FHDC1: variants seen among roughly 807,000 people sequenced by gnomAD.
The protein encoded by FHDC1 is FH2 domain-containing protein 1.
In FHDC1, 25 loss-of-function variants were observed where a neutral mutation model predicts 52.6. That is an observed-to-expected ratio of 0.48 (90% CI 0.35 to 0.66). The LOEUF is 0.66. FHDC1 is among the 30% of genes least tolerant of loss of function. The probability of loss-of-function intolerance (pLI) is 0.01; values close to 1 mark genes in which losing one functional copy is unlikely to be tolerated. For synonymous variants in FHDC1, 616 were observed against 581.5 expected, an observed-to-expected ratio of 1.06 and a Z score of -0.85; for missense variants, 1,459 against 1,452.8, an observed-to-expected ratio of 1.00 and a Z score of -0.07.
intron 1 of FHDC1, among the ~76,000 whole-genome samples, chr4:152,936,618 C>T (rs1739387770): frequency 1.3e-5 from 2 of 152,242 alleles, no homozygotes; most frequent in African/African-American, 2.4e-5. Context: ...CCCTCCACAT[C>T]CACCCCGGTG....
chr4:152,930,993 ACACACTCTCTCTCT>A, the FHDC1 span, among the ~76,000 whole-genome samples: 4 of 143,230 alleles, frequency 2.8e-5, no homozygotes, highest in Non-Finnish European at 6.0e-5. Flanking sequence ...ACACACACAC[ACACACTCTCTCTCT>A]CTCTCTCTCT....
chr4:152,920,162 G>A, the FHDC1 span, among the ~76,000 whole-genome samples: 1 of 151,986 alleles, frequency 6.6e-6, no homozygotes, highest in Non-Finnish European at 1.5e-5. Context: ...GGTCAGGCTA[G>A]TCTTGAACTC....
At chr4:152,927,610 T>C in the FHDC1 span, 1 of 1,606,868 alleles carries the variant, frequency 6.2e-7, no homozygotes, top group African/African-American at 1.3e-5. Context: ...GATCTCTATA[T>C]GAAAGGCTAC....
At position 152,936,383 on chromosome 4, in the gene FHDC1, C is replaced by T. The variant is rs1184940641; in HGVS notation, c.-157C>T. ...GCGGGAGGCTGCAGCGGTCTGCGCG[C>T]CGGGAGCGGGGGCGCGCTGGCCGCG... is the stretch of plus-strand genomic sequence containing the variant. On this transcript the variant is annotated 5_prime_UTR_variant, in exon 1 of 12. Transcript: ENST00000511601. 1 of 152,146 alleles carries T rather than the reference C, an allele frequency of 6.6e-6. No individual in the cohort carries two copies. Among genetic ancestry groups the T allele is most frequent in the Non-Finnish European group, 1.5e-5 (1 of 68,202 alleles). The allele number at this position is 152,146 out of a possible 1,614,324, so 9.4% of individuals were successfully genotyped here. A position where few individuals can be genotyped will look rare whatever the true frequency, so the allele number is the denominator to read the frequency against.
chr4:152,947,016 C>T (rs1011483795), intron 2 of FHDC1, among the ~76,000 whole-genome samples: 3 of 151,904 alleles, frequency 2.0e-5, no homozygotes, highest in Non-Finnish European at 4.4e-5. Flanking sequence ...GTCAGGAGTT[C>T]GAGACCAGCC....
chr4:152,934,860 TGAG>T (rs772375301), upstream of FHDC1, among the ~76,000 whole-genome samples: 4 of 152,070 alleles, frequency 2.6e-5, no homozygotes, highest in Non-Finnish European at 5.9e-5. Context: ...GTCACGGGGT[TGAG>T]GAGGGAGGAG....
At chr4:152,921,579 T>C in the FHDC1 span, among the ~76,000 whole-genome samples, 3 of 142,832 alleles carry the variant, frequency 2.1e-5, no homozygotes, top group South Asian at 7.4e-4. Context: ...CCTTCCTTCC[T>C]TCCTTCCTCC....
At chr4:152,945,472 T>G (rs1274431408) in intron 2 of FHDC1, among the ~76,000 whole-genome samples, 1 of 152,210 alleles carries the variant, frequency 6.6e-6, no homozygotes, top group Non-Finnish European at 1.5e-5. Flanking sequence ...TATTTATTTT[T>G]TTGAGACAGA....
chr4:152,964,593 G>T (rs1740403182), intron 8 of FHDC1, among the ~76,000 whole-genome samples: 1 of 152,194 alleles, frequency 6.6e-6, no homozygotes, highest in South Asian at 2.1e-4. Flanking sequence ...ATGCTCACAG[G>T]TATGGGTGGT....
chr4:152,937,590 G>C (rs919109055), intron 1 of FHDC1, among the ~76,000 whole-genome samples: 1 of 151,688 alleles, frequency 6.6e-6, no homozygotes, highest in African/African-American at 2.4e-5. Flanking sequence ...TCGGCGCTGC[G>C]GAAGGCCGAG....
Position 152,976,618 on chromosome 4 carries a change from G to C in FHDC1, c.3327G>C (p.Thr1109=). 1 of 1,607,202 alleles carries C rather than the reference G, an allele frequency of 6.2e-7. No homozygotes were observed. The highest frequency in any genetic ancestry group is 8.5e-7 in the Non-Finnish European group (1 of 1,176,552). The change falls in exon 12 of 12, where the codon ACG becomes ACC. Residue 1109 remains threonine (T), a synonymous_variant. Coordinates refer to ENST00000511601, the MANE Select transcript of FHDC1 (RefSeq NM_001371116.1). ...PESAEGPSAN[T]EAPLKARGAG... is the part of the protein sequence containing the mutation. The stretch of plus-strand genomic sequence containing the variant: ...CTGCGGAGGGTCCCAGTGCCAACAC[G>C]GAGGCCCCTCTGAAGGCCAGAGGGG...
rs1421083266 is a variant in FHDC1, at chr4:152,943,106, A to C, written c.49A>C (p.Asn17His). 6.2e-7 allele frequency: 1 copy of C among 1,613,994 alleles called. No homozygotes were observed. The highest frequency in any genetic ancestry group is 8.5e-7 in the Non-Finnish European group (1 of 1,179,942). ...VSLVSDKENG[N>H]IATAPGFMIG... Reference sequence around the variant, plus strand: ...CTTGGTCAGTGATAAAGAAAATGGGAATATTGCCACAGCACCTGGATTCAT... The same window carrying C: ...CTTGGTCAGTGATAAAGAAAATGGGCATATTGCCACAGCACCTGGATTCAT... Residue 17 changes from asparagine (N) to histidine (H), a missense_variant, in exon 2 of 12, where the codon AAT (asparagine) becomes CAT (histidine). Physicochemically the swap from Asn to His is moderately conservative, Grantham distance 68. This residue lies in a region of FHDC1 where 513 missense variants were observed against 581.5 expected (regional missense o/e 0.88). Transcript: ENST00000511601.
intron 4 of FHDC1, among the ~76,000 whole-genome samples, chr4:152,956,394 T>TGGTGAGGTG (rs2149948177): frequency 6.6e-6 from 1 of 152,266 alleles, no homozygotes; most frequent in East Asian, 1.9e-4. Flanking sequence ...CTTCATGCAG[T>TGGTGAGGTG]GGTGAGGTGG....
the FHDC1 span, chr4:152,918,396 C>T: frequency 1.3e-5 from 2 of 152,142 alleles, no homozygotes; most frequent in Admixed American, 1.3e-4. Flanking sequence ...TTTGTTTTTC[C>T]TTACAGTAGC....
chr4:152,973,551 A>G (rs1235866144), intron 11 of FHDC1, among the ~76,000 whole-genome samples: 1 of 152,166 alleles, frequency 6.6e-6, no homozygotes, highest in Non-Finnish European at 1.5e-5. Flanking sequence ...CACCTGTGTG[A>G]TGCTCTCAGC....
the FHDC1 span, among the ~76,000 whole-genome samples, chr4:152,923,014 T>C: frequency 9.2e-5 from 14 of 152,020 alleles, no homozygotes; most frequent in Admixed American, 8.5e-4. Flanking sequence ...CCAGGGCAAT[T>C]AGGCAGGAGA....
chr4:152,943,685 A>T, intron 2 of FHDC1, 130 bp downstream of exon 2: 3 of 1,116,730 alleles, frequency 2.7e-6, no homozygotes, highest in Non-Finnish European at 2.5e-6. Flanking sequence ...CTGCCTTGGA[A>T]ATGCTAGGCA....
the FHDC1 span, among the ~76,000 whole-genome samples, chr4:152,924,850 G>A: frequency 7.6e-6 from 1 of 131,600 alleles, no homozygotes; most frequent in African/African-American, 2.8e-5. Flanking sequence ...ATCACACTCT[G>A]GGGACTGTTG....
In FHDC1 at chr4:152,943,266, C is replaced by T. The variant is rs763097251; in HGVS notation, c.209C>T (p.Pro70Leu). Residue 70 changes from proline to leucine, a missense_variant, in exon 2 of 12, where the codon CCT (proline) becomes CTT (leucine). Coordinates refer to ENST00000511601, the MANE Select transcript of FHDC1 (RefSeq NM_001371116.1). ...PPPPPPLPGE[P>L]PIPPPPPGLP... Reference sequence around the variant, plus strand: ...CCACCACCTCCACTTCCTGGGGAGCCTCCCATCCCACCTCCCCCACCAGGC... The same window carrying T: ...CCACCACCTCCACTTCCTGGGGAGCTTCCCATCCCACCTCCCCCACCAGGC... 1.3e-6 allele frequency: 2 copies of T among 1,597,118 alleles called. No individual in the cohort carries two copies. The highest frequency in any genetic ancestry group is 1.7e-6 in the Non-Finnish European group (2 of 1,167,182).
Sources: gnomAD v4.1 joint callset for allele counts (sites outside exome capture counted in the v4.1 genomes callset) on GRCh38, gnomAD v4.1.1 for gene constraint, gnomAD v4.1.1 regional missense constraint, MANE v1.5 for transcripts, NCBI Gene and HGNC (gene_info 2026-07-23, HGNC 2026-07-21) for gene names.